Variants in MAGEB17 observed in about 807,000 individuals in gnomAD.
MAGEB17 encodes melanoma-associated antigen B17.
For missense variants in MAGEB17, 251 were observed against 281.4 expected, an observed-to-expected ratio of 0.89 and a Z score of 0.77; for synonymous variants, 110 against 112.4, an observed-to-expected ratio of 0.98 and a Z score of 0.13.
Position 16,170,721 on chromosome X carries a change from G to A in MAGEB17, c.339G>A (p.Thr113=), listed in dbSNP as rs1281891794. Residue 113 remains threonine, a synonymous_variant, in exon 2 of 2, where the codon ACG becomes ACA. Coordinates refer to ENST00000400004, the MANE Select transcript of MAGEB17 (RefSeq NM_001277307.2). ...STGRDLLNTK[T]GELVQFLLNK... is the part of the protein sequence containing the mutation. Reference sequence around the variant, plus strand: ...GAAGAGATCTTCTGAACACGAAGACGGGCGAATTGGTGCAGTTCCTCCTCA... The same window carrying A: ...GAAGAGATCTTCTGAACACGAAGACAGGCGAATTGGTGCAGTTCCTCCTCA... 2.6e-6 allele frequency: 3 copies of A among 1,167,236 alleles called. No homozygotes were observed. Among genetic ancestry groups the A allele is most frequent in the South Asian group, 3.8e-5 (2 of 52,716 alleles).
At position 16,170,880 on chromosome X, in the gene MAGEB17, G is replaced by GT. The variant is rs763491069; in HGVS notation, c.498_499insT (p.Lys167Ter). ...TAGAGGTGGTCTTTGGCCTCTACCT[G>GT]AAGGAAATGGACCCCAGCCGTCAGT... On this transcript the variant is annotated frameshift_variant, in exon 2 of 2. Transcript: ENST00000400004. LOFTEE classifies it low-confidence loss of function (END_TRUNC). The GT allele has an allele frequency of 1.1e-5, 13 of 1,167,295 alleles. No homozygotes were observed. The highest frequency in any genetic ancestry group is 1.5e-5 in the Non-Finnish European group (13 of 873,122).
chrX:16,170,216 G>A, intron 1 of MAGEB17, 118 bp from the exon 2 acceptor site: 1 of 1,010,622 alleles, frequency 9.9e-7, no homozygotes, highest in Non-Finnish European at 1.3e-6. Context: ...GGCTGCCCTG[G>A]AGAACAGGAG....
chrX:16,169,994 G>A (rs1187880468), intron 1 of MAGEB17, among the ~76,000 whole-genome samples: 1 of 111,421 alleles, frequency 9.0e-6, no homozygotes, highest in African/African-American at 3.3e-5. Flanking sequence ...GGACCCTGAG[G>A]AGCGTGGAGC....
Position 16,170,448 on chromosome X carries a change from C to T in MAGEB17, c.66C>T (p.Asp22=). The T allele has an allele frequency of 8.6e-7, 1 of 1,167,371 alleles. No individual in the cohort carries two copies. Among genetic ancestry groups the T allele is most frequent in the African/African-American group, 1.8e-5 (1 of 56,315 alleles). The part of the protein sequence containing the change: ...REKRRQARGE[D]QCLGGAQATA... ...AACGCCGCCAGGCTCGAGGTGAAGA[C>T]CAATGTCTCGGGGGTGCTCAAGCCA... The change falls in exon 2 of 2, where the codon GAC becomes GAT. Residue 22 remains aspartate (D), a synonymous_variant. Transcript: ENST00000400004.
At chrX:16,169,735 G>T (rs967577987) in intron 1 of MAGEB17, among the ~76,000 whole-genome samples, 5 of 111,203 alleles carry the variant, frequency 4.5e-5, no homozygotes, top group Admixed American at 1.9e-4. Context: ...AGTGGACAGG[G>T]CCTGGGGCTG....
chrX:16,171,192 G>A lies in MAGEB17; in HGVS notation c.810G>A (p.Glu270=). 1 of 1,210,680 alleles carries A rather than the reference G, an allele frequency of 8.3e-7. No homozygotes were observed. The highest frequency in any genetic ancestry group is 1.1e-6 in the Non-Finnish European group (1 of 895,045). Residue 270 remains glutamate (E), a synonymous_variant, in exon 2 of 2, where the codon GAG becomes GAA. Coordinates refer to ENST00000400004, the MANE Select transcript of MAGEB17 (RefSeq NM_001277307.2). The stretch of plus-strand genomic sequence containing the variant: ...CCAGCAGCGATCCTCCACGCTACGA[G>A]TTCCTGTGGGGTCCCAGGGCCCGTG... ...QVPSSDPPRY[E]FLWGPRARAE...
intron 1 of MAGEB17, among the ~76,000 whole-genome samples, chrX:16,168,201 C>T (rs761086873): frequency 5.4e-5 from 6 of 111,131 alleles, no homozygotes; most frequent in African/African-American, 1.3e-4. Context: ...CAAAAACTAG[C>T]GGGACATGGT....
In MAGEB17 at chrX:16,170,920, G is replaced by A. The variant is rs754203708; in HGVS notation, c.538G>A (p.Gly180Ser). ...CAGCCGTCAGTCCTATGTGCTTGTT[G>A]GCAAGCTGGACTTTCCCAATCAAGG... The part of the protein sequence containing the change: ...DPSRQSYVLV[G>S]KLDFPNQGSL... The change falls in exon 2 of 2, where the codon GGC becomes AGC. Residue 180 changes from glycine (G) to serine (S), a missense_variant. By Grantham distance (56) the Gly-to-Ser change is moderately conservative. Coordinates refer to ENST00000400004, the MANE Select transcript of MAGEB17 (RefSeq NM_001277307.2). 23 of 1,166,072 alleles carry A rather than the reference G, an allele frequency of 2.0e-5. No homozygotes were observed. In the African/African-American group the frequency reaches 4.1e-4, roughly 21 times the overall value.
chrX:16,170,316 C>G lies in MAGEB17; in HGVS notation c.-49-18C>G. On this transcript the variant is annotated intron_variant, in intron 1 of 1. Coordinates refer to ENST00000400004, the MANE Select transcript of MAGEB17 (RefSeq NM_001277307.2). ...CTCCCCACTGAGGGGCTCACACACT[C>G]TGTTCCTCCTGCTCCAGGTGCCCAC... The G allele has an allele frequency of 8.9e-7, 1 of 1,119,002 alleles. No homozygotes were observed. 92.2% of individuals were successfully genotyped at this position (1,119,002 alleles called of 1,213,427 possible).
chrX:16,169,365 T>G (rs892550502), intron 1 of MAGEB17, among the ~76,000 whole-genome samples: 8 of 111,455 alleles, frequency 7.2e-5, no homozygotes, highest in Non-Finnish European at 1.3e-4. Context: ...GGAGTCAAGG[T>G]GAAGACCCTG....
intron 1 of MAGEB17, 132 bp from the exon 2 acceptor site, chrX:16,170,202 G>T: frequency 1.1e-6 from 1 of 937,884 alleles, no homozygotes; most frequent in Non-Finnish European, 1.4e-6. Flanking sequence ...GTCCCCAGGG[G>T]ACAGGCTGCC....
Position 16,170,538 on chromosome X carries a change from C to A in MAGEB17, c.156C>A (p.Ser52Arg). 8.6e-7 allele frequency: 1 copy of A among 1,167,476 alleles called. No homozygotes were observed. The highest frequency in any genetic ancestry group is 1.1e-6 in the Non-Finnish European group (1 of 873,154). Residue 52 changes from serine to arginine, a missense_variant, in exon 2 of 2, where the codon AGC (serine) becomes AGA (arginine). Transcript: ENST00000400004. ...CTGCATGCCAGAGTCCTCCCCAGAG[C>A]TTCCCCAATGCAGGCATTCCTCAGG... ...SSPACQSPPQSFPNAGIPQES... is the reference protein window; with the variant it reads ...SSPACQSPPQRFPNAGIPQES...
At chrX:16,168,531 T>C (rs972069594) in intron 1 of MAGEB17, 2 of 111,570 alleles carry the variant, frequency 1.8e-5, no homozygotes, top group African/African-American at 6.5e-5. Context: ...CTCAGGTCAG[T>C]GGAGCGACCT....
Position 16,170,399 on chromosome X carries a change from C to T in MAGEB17, c.17C>T (p.Ala6Val), listed in dbSNP as rs1377784276. Residue 6 changes from alanine to valine, a missense_variant, in exon 2 of 2, where the codon GCG (alanine) becomes GTG (valine). By Grantham distance (64) the Ala-to-Val change is moderately conservative. Transcript: ENST00000400004. ...ACAGTCATCATGCCTCGCGGTCAGG[C>T]GAGTAAGCGCCGTGCCCGTGAGAAA... Reference protein sequence around the residue: MPRGQASKRRAREKRR... With the variant: MPRGQVSKRRAREKRR... The T allele has an allele frequency of 2.6e-6, 3 of 1,162,898 alleles. No homozygotes were observed. The highest frequency in any genetic ancestry group is 3.3e-5 in the East Asian group (1 of 30,735).
rs1474209547 is a variant in MAGEB17 at position 16,171,160 on chromosome X, C to T, written c.778C>T (p.Gln260Ter). 1 of 1,211,042 alleles carries T rather than the reference C, an allele frequency of 8.3e-7. No individual in the cohort carries two copies. Among genetic ancestry groups the T allele is most frequent in the South Asian group, 1.8e-5 (1 of 56,809 alleles). Residue 260 changes from glutamine (Q) to a stop codon, truncating the protein, a stop_gained, in exon 2 of 2, where the codon CAG becomes TAG. Transcript: ENST00000400004. LOFTEE classifies it low-confidence loss of function (END_TRUNC). Reference sequence around the variant, plus strand: ...GCGAGAGGGGTACCTGGAGTACCAGCAGGTGCCCAGCAGCGATCCTCCACG... The same window carrying T: ...GCGAGAGGGGTACCTGGAGTACCAGTAGGTGCCCAGCAGCGATCCTCCACG... ...LVREGYLEYQ[Q>*]VPSSDPPRYE...
rs188192171 is a variant in MAGEB17 at position 16,167,491 on chromosome X, C to T, written c.-342C>T. On this transcript the variant is annotated 5_prime_UTR_variant, in exon 1 of 2. It adds an upstream start codon to the 5' untranslated region. Transcript: ENST00000400004. The stretch of plus-strand genomic sequence containing the variant: ...CTTTTTTTCTGCTTAGATGCTCTAA[C>T]GAGGGTAGTGACTCTGTCTAAAGGC... 1 of 111,987 alleles carries T rather than the reference C, an allele frequency of 8.9e-6. No homozygotes were observed. Among genetic ancestry groups the T allele is most frequent in the East Asian group, 2.8e-4 (1 of 3,563 alleles). 9.2% of individuals were successfully genotyped at this position (111,987 alleles called of 1,213,427 possible).
At chrX:16,169,643 C>A (rs1181201711) in intron 1 of MAGEB17, among the ~76,000 whole-genome samples, 1 of 111,691 alleles carries the variant, frequency 9.0e-6, no homozygotes, top group Admixed American at 9.4e-5. Flanking sequence ...ACCACAAAGG[C>A]TGGCTTCCCT....
At chrX:16,169,728 G>A (rs1923015962) in intron 1 of MAGEB17, among the ~76,000 whole-genome samples, 1 of 111,269 alleles carries the variant, frequency 9.0e-6, no homozygotes, top group Admixed American at 9.5e-5. Flanking sequence ...GGCTCAGAGT[G>A]GACAGGGCCT....
Position 16,170,798 on chromosome X carries a change from T to G in MAGEB17, c.416T>G (p.Ile139Ser). 6.9e-6 allele frequency: 8 copies of G among 1,167,304 alleles called. No homozygotes were observed. The highest frequency in any genetic ancestry group is 9.2e-6 in the Non-Finnish European group (8 of 873,136). The stretch of plus-strand genomic sequence containing the variant: ...ACGAGGGAAGCCATGCTGAAGGTTA[T>G]CAACAGAAAGTACAAGCAGCACTTC... Reference protein sequence around the residue: ...PITREAMLKVINRKYKQHFPE... With the variant: ...PITREAMLKVSNRKYKQHFPE... The change falls in exon 2 of 2, where the codon ATC becomes AGC. Residue 139 changes from isoleucine (I) to serine (S), a missense_variant. Transcript: ENST00000400004.
Sources: gnomAD v4.1 joint callset for allele counts (sites outside exome capture counted in the v4.1 genomes callset) on GRCh38, gnomAD v4.1.1 for gene constraint, MANE v1.5 for transcripts, NCBI Gene and HGNC (gene_info 2026-07-23, HGNC 2026-07-21) for gene names.